Variants in SFRP2 observed in about 807,000 individuals in gnomAD.
The protein encoded by SFRP2 is secreted frizzled related protein 2.
SFRP2 carries 16 observed loss-of-function variants against 26.0 expected under a neutral mutation model. That is an observed-to-expected ratio of 0.61 (90% CI 0.42 to 0.93). SFRP2 has a LOEUF of 0.93. Among genes scored for constraint, SFRP2 ranks in the 40% least tolerant of loss-of-function variants. SFRP2 has a pLI of 0.00. For synonymous variants in SFRP2, 173 were observed against 167.3 expected, an observed-to-expected ratio of 1.03 and a Z score of -0.26; for missense variants, 343 against 392.4, an observed-to-expected ratio of 0.87 and a Z score of 1.06.
chr4:153,783,503 G>T (rs879832500), intron 2 of SFRP2, among the ~76,000 whole-genome samples: 23 of 152,344 alleles, frequency 1.5e-4, no homozygotes, highest in Non-Finnish European at 3.1e-4. Flanking sequence ...CAAACAGAGA[G>T]AATTGAATCC....
At chr4:153,782,986 T>C (rs1741147218) in intron 2 of SFRP2, among the ~76,000 whole-genome samples, 1 of 152,036 alleles carries the variant, frequency 6.6e-6, no homozygotes, top group African/African-American at 2.4e-5. Context: ...GATTTTCTTT[T>C]TTTTTTTTTT....
chr4:153,788,438 C>T lies in SFRP2; in HGVS notation c.398G>A (p.Gly133Asp). 6.2e-7 allele frequency: 1 copy of T among 1,614,138 alleles called. No individual in the cohort carries two copies. Among genetic ancestry groups the T allele is most frequent in the Non-Finnish European group, 8.5e-7 (1 of 1,180,036 alleles). Residue 133 changes from glycine to aspartate, a missense_variant, in exon 1 of 3, where the codon GGC becomes GAC. By Grantham distance (94) the Gly-to-Asp change is moderately conservative. This residue lies in a region of SFRP2 where 251 missense variants were observed against 253.3 expected (regional missense o/e 0.99). Coordinates refer to ENST00000274063, the MANE Select transcript of SFRP2 (RefSeq NM_003013.3). ...DRCAPVMSAF[G>D]FPWPDMLECD... ...CTCAAGCATGTCGGGCCAGGGGAAGCCGAAGGCGGACATGACCGGGGCGCA... is the reference window on the plus strand; with the variant it reads ...CTCAAGCATGTCGGGCCAGGGGAAGTCGAAGGCGGACATGACCGGGGCGCA...
chr4:153,784,768 A>G (rs1269547511), intron 2 of SFRP2, among the ~76,000 whole-genome samples: 3 of 152,228 alleles, frequency 2.0e-5, no homozygotes, highest in African/African-American at 7.2e-5. Flanking sequence ...AGAGCAGGGA[A>G]CATATCTGCT....
intron 1 of SFRP2, 124 bp downstream of exon 1, chr4:153,788,210 G>T: frequency 8.4e-7 from 1 of 1,192,306 alleles, no homozygotes; most frequent in Non-Finnish European, 1.2e-6. Context: ...AGGTCAGGCA[G>T]AACTTCTGCC....
chr4:153,786,016 C>T (rs1741202475), intron 1 of SFRP2, 72 bp from the exon 2 acceptor site: 1 of 846,528 alleles, frequency 1.2e-6, no homozygotes, highest in East Asian at 2.9e-5. Context: ...GTAAACAACT[C>T]AAAGGGACTT....
intron 2 of SFRP2, among the ~76,000 whole-genome samples, chr4:153,785,246 A>T (rs925439442): frequency 6.6e-5 from 10 of 152,026 alleles, no homozygotes; most frequent in Non-Finnish European, 1.3e-4. Flanking sequence ...TTTAAAAGGG[A>T]TTTTAAGATG....
At position 153,780,841 on chromosome 4, in the gene SFRP2, T is replaced by C. The variant is rs1741106993; in HGVS notation, c.*610A>G. The C allele has an allele frequency of 6.5e-6, 1 of 152,724 alleles. No homozygotes were observed. Among genetic ancestry groups the C allele is most frequent in the Non-Finnish European group, 1.5e-5 (1 of 68,094 alleles). The allele number at this position is 152,724 out of a possible 1,614,324, so 9.5% of individuals were successfully genotyped here. The stretch of plus-strand genomic sequence containing the variant: ...TGAAGAAATCATGCTATAGAAATGG[T>C]TAATGTGCTTCTAATAAATGGAAGT... On this transcript the variant is annotated 3_prime_UTR_variant, in exon 3 of 3. Coordinates refer to ENST00000274063, the MANE Select transcript of SFRP2 (RefSeq NM_003013.3).
At chr4:153,785,827 T>A (rs1560810979) in intron 2 of SFRP2, 37 bp downstream of exon 2, 1 of 1,356,750 alleles carries the variant, frequency 7.4e-7, no homozygotes, top group African/African-American at 1.5e-5. Flanking sequence ...ATAAAACTTC[T>A]GAATGTGAAA....
At chr4:153,782,563 C>T (rs1741138440) in intron 2 of SFRP2, among the ~76,000 whole-genome samples, 2 of 152,054 alleles carry the variant, frequency 1.3e-5, no homozygotes, top group African/African-American at 2.4e-5. Context: ...GCCCTACAAA[C>T]GTGTATGCTG....
chr4:153,786,001 C>T (rs747716148), intron 1 of SFRP2, 57 bp from the exon 2 acceptor site: 54 of 1,088,374 alleles, frequency 5.0e-5, no homozygotes, highest in Admixed American at 2.4e-4. Context: ...CAGTAGGTGG[C>T]GTTTGTAAAC....
At position 153,788,604 on chromosome 4, in the gene SFRP2, C is replaced by G. The variant is rs761355765; in HGVS notation, c.232G>C (p.Ala78Pro). 1 of 1,614,150 alleles carries G rather than the reference C, an allele frequency of 6.2e-7. No homozygotes were observed. Among genetic ancestry groups the G allele is most frequent in the Non-Finnish European group, 8.5e-7 (1 of 1,180,014 alleles). Residue 78 changes from alanine to proline, a missense_variant, in exon 1 of 3, where the codon GCT (alanine) becomes CCT (proline). This residue lies in a region of SFRP2 where 251 missense variants were observed against 253.3 expected (regional missense o/e 0.99). Transcript: ENST00000274063. ...TMKEVLEQAG[A>P]WIPLVMKQCH... ...TGCTTCATGACCAGCGGGATCCAAG[C>G]GCCGGCCTGCTCCAGCACCTCCTTC...
At chr4:153,786,537 C>T (rs565519020) in intron 1 of SFRP2, among the ~76,000 whole-genome samples, 16 of 152,262 alleles carry the variant, frequency 1.1e-4, no homozygotes, top group Admixed American at 1.0e-3. Context: ...GCTGTTTCCA[C>T]CTTGAAAACA....
chr4:153,783,122 A>C (rs1171814035), intron 2 of SFRP2, among the ~76,000 whole-genome samples: 3 of 152,118 alleles, frequency 2.0e-5, no homozygotes, highest in African/African-American at 7.2e-5. Flanking sequence ...TATGATATGC[A>C]TCTGAACTGT....
rs1002871980 is a variant in SFRP2 at position 153,781,492 on chromosome 4, ACT to A, written c.845_846del (p.Glu282ValfsTer19). The part of the protein sequence containing the change: ...SVKRWQKGQR[E>X]FKRISRSIRK... ...CGGATGCTGCGGGAGATGCGCTTGA[ACT>A]CTCTCTGCCCCTTCTGCCACCGCTT... On this transcript the variant is annotated frameshift_variant, in exon 3 of 3. Transcript: ENST00000274063. LOFTEE classifies it high-confidence loss of function. 1.2e-6 allele frequency: 2 copies of A among 1,612,332 alleles called. No individual in the cohort carries two copies. The highest frequency in any genetic ancestry group is 2.7e-5 in the African/African-American group (2 of 74,326).
At chr4:153,787,640 C>T (rs1741232272) in intron 1 of SFRP2, among the ~76,000 whole-genome samples, 1 of 152,216 alleles carries the variant, frequency 6.6e-6, no homozygotes, top group African/African-American at 2.4e-5. Context: ...CAAAACCACT[C>T]CTAAGTTAAA....
In SFRP2 at chr4:153,789,016, C is replaced by T. The variant is rs1274726958; in HGVS notation, c.-181G>A. 8 of 588,904 alleles carry T rather than the reference C, an allele frequency of 1.4e-5. No individual in the cohort carries two copies. Among genetic ancestry groups the T allele is most frequent in the Admixed American group, 4.0e-5 (1 of 25,198 alleles). The allele number at this position is 588,904 out of a possible 1,614,324, so 36.5% of individuals were successfully genotyped here. ...CACCGGGAGGACAGCGCGGGCGAGG[C>T]GCTGCAAGCCCGCGCGCAGCTCCGG... On this transcript the variant is annotated 5_prime_UTR_variant, in exon 1 of 3. Coordinates refer to ENST00000274063, the MANE Select transcript of SFRP2 (RefSeq NM_003013.3).
Position 153,788,648 on chromosome 4 carries a change from A to G in SFRP2, c.188T>C (p.Leu63Pro). 1 of 1,614,182 alleles carries G rather than the reference A, an allele frequency of 6.2e-7. No individual in the cohort carries two copies. The highest frequency in any genetic ancestry group is 8.5e-7 in the Non-Finnish European group (1 of 1,180,044). Reference protein sequence around the residue: ...IEYQNMRLPNLLGHETMKEVL... With the variant: ...IEYQNMRLPNPLGHETMKEVL... ...CTCCTTCATGGTCTCGTGGCCCAGC[A>G]GGTTGGGCAGCCGCATGTTCTGGTA... Residue 63 changes from leucine to proline, a missense_variant, in exon 1 of 3, where the codon CTG becomes CCG. By Grantham distance (98) the Leu-to-Pro change is moderately conservative. Around this residue, in one of 2 missense-constraint regions of SFRP2, gnomAD observed 251 missense variants for 253.3 expected, o/e 0.99. Coordinates refer to ENST00000274063, the MANE Select transcript of SFRP2 (RefSeq NM_003013.3).
intron 1 of SFRP2, among the ~76,000 whole-genome samples, chr4:153,787,775 A>G (rs1350006628): frequency 6.6e-6 from 1 of 152,226 alleles, no homozygotes; most frequent in Non-Finnish European, 1.5e-5. Flanking sequence ...TTTTATTTCC[A>G]AAATCTAAAT....
At chr4:153,785,986 G>A (rs1011665736) in intron 1 of SFRP2, 42 bp from the exon 2 acceptor site, 4 of 1,324,334 alleles carry the variant, frequency 3.0e-6, no homozygotes, top group East Asian at 2.4e-5. Flanking sequence ...TTGCTTAAAA[G>A]AGAACAGTAG....
Sources: allele counts gnomAD v4.1 joint callset (sites outside exome capture counted in the v4.1 genomes callset), GRCh38; gene constraint gnomAD v4.1.1; regional missense constraint gnomAD v4.1.1; transcripts MANE v1.5; gene names NCBI Gene and HGNC (gene_info 2026-07-23, HGNC 2026-07-21).